CCDC175: variants seen among roughly 807,000 people sequenced by gnomAD.
The protein encoded by CCDC175 is coiled-coil domain-containing protein 175.
Under a neutral mutation model 114.6 loss-of-function variants are expected in CCDC175, and 100 were observed. That is an observed-to-expected ratio of 0.87 (90% CI 0.74 to 1.03). The LOEUF (loss-of-function observed/expected upper bound fraction) is 1.03. Among genes scored for constraint, CCDC175 ranks in the 50% least tolerant of loss-of-function variants. CCDC175 has a pLI of 0.00. For synonymous variants in CCDC175, 306 were observed against 308.7 expected (o/e 0.99, Z 0.09); for missense variants, 880 against 917.8 (o/e 0.96, Z 0.53).
At chr14:59,516,423 A>C (rs1460751569) in intron 17 of CCDC175, among the ~76,000 whole-genome samples, 1 of 152,216 alleles carries the variant, frequency 6.6e-6, no homozygotes, top group African/African-American at 2.4e-5. Context: ...GATTGCTAGC[A>C]AGGCTAATAA....
Position 59,507,253 on chromosome 14 carries a change from G to C in CCDC175, c.2306-1938C>G, listed in dbSNP as rs1323115382. Among the ~76,000 whole-genome samples, 5 of 152,286 alleles carry C rather than the reference G, an allele frequency of 3.3e-5. No individual in the cohort carries two copies. In the East Asian group the frequency reaches 9.6e-4, roughly 29 times the overall value. On this transcript the variant is annotated intron_variant, in intron 19 of 19. Transcript: ENST00000537690. ...GCTTATGTCTGTGCTTCTCCTTTGG[G>C]AAGATATCCCTGTGTACTCCAACAT... is the stretch of plus-strand genomic sequence containing the variant.
intron 7 of CCDC175, among the ~76,000 whole-genome samples, chr14:59,559,107 G>A (rs1327757395): frequency 1.3e-5 from 2 of 152,064 alleles, no homozygotes; most frequent in East Asian, 1.9e-4. Flanking sequence ...CTGAAACCAC[G>A]TTGGCGCAAA....
intron 8 of CCDC175, among the ~76,000 whole-genome samples, chr14:59,550,941 ACACT>A (rs1281173116): frequency 6.6e-6 from 1 of 152,196 alleles, no homozygotes; most frequent in African/African-American, 2.4e-5. Flanking sequence ...AGTCAAGTTG[ACACT>A]CAGTATTAAC....
In CCDC175 at chr14:59,561,202, T is replaced by C; in HGVS notation, c.870A>G (p.Ile290Met). 6.5e-7 allele frequency: 1 copy of C among 1,534,282 alleles called. No homozygotes were observed. The highest frequency in any genetic ancestry group is 1.7e-4 in the Middle Eastern group (1 of 5,976). The change falls in exon 7 of 20, where the codon ATA becomes ATG. Residue 290 changes from isoleucine to methionine, a missense_variant. Transcript: ENST00000537690. The stretch of plus-strand genomic sequence containing the variant: ...ACCTTATTGATTCGTGTAGTCGTGC[T>C]ATCTCTAAATTGTGATCACTAAGAA... Reference protein sequence around the residue: ...AAVLSDHNLEIARLHESIRYW... With the variant: ...AAVLSDHNLEMARLHESIRYW...
In CCDC175 at chr14:59,545,169, T is replaced by A; in HGVS notation, c.1166A>T (p.His389Leu). Residue 389 changes from histidine (H) to leucine (L), a missense_variant, in exon 9 of 20, where the codon CAT (histidine) becomes CTT (leucine). By Grantham distance (99) the His-to-Leu change is moderately conservative (BLOSUM62 -3). Coordinates refer to ENST00000537690, the MANE Select transcript of CCDC175 (RefSeq NM_001164399.2). ...EKAFLQKQKI[H>L]DENQKQLTFI... ...CGTGTGGGTAAAGACATACTCATCA[T>A]GAATCTTTTGTTTTTGCAAAAAAGC... is the stretch of plus-strand genomic sequence containing the variant. The A allele has an allele frequency of 6.5e-7, 1 of 1,536,802 alleles. No individual in the cohort carries two copies.
chr14:59,553,619 A>G (rs1895673366), intron 7 of CCDC175, among the ~76,000 whole-genome samples: 1 of 152,232 alleles, frequency 6.6e-6, no homozygotes, highest in African/African-American at 2.4e-5. Flanking sequence ...CAACAATATT[A>G]ACCTTAAATG....
Position 59,538,127 on chromosome 14 carries a change from C to A in CCDC175, c.1519G>T (p.Gly507Ter). ...AGTTTTTCAATCTGTGCCACAAATCCACTGATCTCCTGTTGTCTGAAACTG... is the reference window on the plus strand; with the variant it reads ...AGTTTTTCAATCTGTGCCACAAATCAACTGATCTCCTGTTGTCTGAAACTG... ...ETSFRQQEIS[G>*]FVAQIEKLTT... The change falls in exon 13 of 20, where the codon GGA (glycine) becomes TGA (stop). Residue 507 changes from glycine (G) to a stop codon, truncating the protein, a stop_gained. Coordinates refer to ENST00000537690, the MANE Select transcript of CCDC175 (RefSeq NM_001164399.2). LOFTEE classifies it high-confidence loss of function. The A allele has an allele frequency of 2.0e-6, 3 of 1,534,370 alleles. No homozygotes were observed. Among genetic ancestry groups the A allele is most frequent in the Non-Finnish European group, 2.6e-6 (3 of 1,144,528 alleles).
intron 4 of CCDC175, among the ~76,000 whole-genome samples, chr14:59,566,932 C>CCAG (rs1199114435): frequency 6.6e-6 from 1 of 152,148 alleles, no homozygotes; most frequent in Non-Finnish European, 1.5e-5. Context: ...GTGGTCAGGA[C>CCAG]CAGCAGCAGC....
rs1207600575 is a variant in CCDC175 at position 59,545,085 on chromosome 14, G to C, written c.1172+78C>G. On this transcript the variant is annotated intron_variant, in intron 9 of 19. Transcript: ENST00000537690. The stretch of plus-strand genomic sequence containing the variant: ...TTTAAAACTAGGATAAGTTTAAGTG[G>C]AGAGCCACCACTTTGATAGCAAGAA... The C allele has an allele frequency of 1.6e-5, 21 of 1,329,806 alleles. No individual in the cohort carries two copies. The South Asian group carries it at 3.0e-4, about 19-fold the overall frequency. The allele number at this position is 1,329,806 out of a possible 1,614,324, so 82.4% of individuals were successfully genotyped here. A position where few individuals can be genotyped will look rare whatever the true frequency, so the allele number is the denominator to read the frequency against.
chr14:59,531,633 A>G, intron 14 of CCDC175, 139 bp downstream of exon 14: 2 of 535,294 alleles, frequency 3.7e-6, no homozygotes, highest in Non-Finnish European at 6.2e-6. Context: ...CAAAAACTAG[A>G]GAACAGAGGG....
intron 8 of CCDC175, among the ~76,000 whole-genome samples, chr14:59,549,792 T>C (rs963109616): frequency 1.3e-5 from 2 of 151,286 alleles, no homozygotes; most frequent in Admixed American, 6.6e-5. Context: ...ATATGAGGTG[T>C]TGGGAAGAGA....
At position 59,576,383 on chromosome 14, in the gene CCDC175, A is replaced by G. The variant is rs981717485; in HGVS notation, c.157+236T>C. ...CCGGATTTGTCACCTCAGTAATTTA[A>G]CTACTACTGAGGGTTGAGCGAAGTC... On this transcript the variant is annotated intron_variant, in intron 1 of 19. Transcript: ENST00000537690. 4.6e-5 allele frequency among the ~76,000 whole-genome samples: 7 copies of G among 152,184 alleles called. No individual in the cohort carries two copies. In the East Asian group the frequency reaches 1.2e-3, roughly 25 times the overall value.
At chr14:59,534,001 A>ACAAAAAAACAAAAAAACAAAAAAAC (rs1894242508) in intron 13 of CCDC175, among the ~76,000 whole-genome samples, 2 of 151,724 alleles carry the variant, frequency 1.3e-5, no homozygotes, top group African/African-American at 4.8e-5. Context: ...AAAAAAAAAA[A>ACAAAAAAACAAAAAAACAAAAAAAC]AAAAAGAAAC....
intron 17 of CCDC175, among the ~76,000 whole-genome samples, chr14:59,519,573 G>A (rs150896761): frequency 5.9e-5 from 9 of 152,312 alleles, no homozygotes; most frequent in East Asian, 1.9e-4. Context: ...TCCAGAAAAC[G>A]TAAAGATTTT....
At chr14:59,545,373 A>C (rs1895041055) in intron 8 of CCDC175, 74 bp from the exon 9 acceptor site, 2 of 1,364,898 alleles carry the variant, frequency 1.5e-6, no homozygotes, top group African/African-American at 2.9e-5. Context: ...ATCAGGTGGC[A>C]ACTCGGAGAG....
In CCDC175 at chr14:59,572,728, G is replaced by A. The variant is rs1896908354; in HGVS notation, c.329C>T (p.Pro110Leu). 2 of 1,510,564 alleles carry A rather than the reference G, an allele frequency of 1.3e-6. No homozygotes were observed. The highest frequency in any genetic ancestry group is 1.3e-5 in the South Asian group (1 of 78,108). 93.6% of individuals were successfully genotyped at this position (1,510,564 alleles called of 1,614,324 possible). The stretch of plus-strand genomic sequence containing the variant: ...TTCCAATTCCCTCTTAATGCTATTG[G>A]GAAGAGTTTCCAATAGATAGTATAG... ...NKLYYLLETL[P>L]NSIKRELEEC... Residue 110 changes from proline to leucine, a missense_variant, in exon 3 of 20, where the codon CCC (proline) becomes CTC (leucine). By Grantham distance (98) the Pro-to-Leu change is moderately conservative (BLOSUM62 -3). Transcript: ENST00000537690.
At chr14:59,561,324 A>C in intron 6 of CCDC175, 96 bp from the exon 7 acceptor site, 1 of 590,174 alleles carries the variant, frequency 1.7e-6, no homozygotes, top group Non-Finnish European at 3.0e-6. Flanking sequence ...TTACTCATTC[A>C]ACTTTTACAT....
intron 8 of CCDC175, among the ~76,000 whole-genome samples, chr14:59,550,226 G>T (rs996181264): frequency 6.6e-6 from 1 of 152,074 alleles, no homozygotes; most frequent in African/African-American, 2.4e-5. Context: ...TTATAATATA[G>T]TATTTGTCAC....
intron 4 of CCDC175, among the ~76,000 whole-genome samples, chr14:59,567,114 C>T (rs960245746): frequency 2.6e-5 from 4 of 152,196 alleles, no homozygotes; most frequent in African/African-American, 9.7e-5. Context: ...TGTGATGTTG[C>T]TGACCGGTTG....
Sources: gnomAD v4.1 joint callset for allele counts (sites outside exome capture counted in the v4.1 genomes callset) on GRCh38, gnomAD v4.1.1 for gene constraint, MANE v1.5 for transcripts, NCBI Gene and HGNC (gene_info 2026-07-23, HGNC 2026-07-21) for gene names.